The following CD163 variants were observed in gnomAD, a reference collection of about 807,000 sequenced individuals.
CD163 encodes the protein scavenger receptor cysteine-rich type 1 protein M130.
CD163 carries 64 observed loss-of-function variants against 129.2 expected under a neutral mutation model. The observed-to-expected ratio is 0.50, with a 90% confidence interval of 0.41 to 0.61. The LOEUF (loss-of-function observed/expected upper bound fraction) is 0.61. Among genes scored for constraint, CD163 ranks in the 20% least tolerant of loss-of-function variants. The probability of loss-of-function intolerance (pLI) is 0.00; values close to 1 mark genes in which losing one functional copy is unlikely to be tolerated. For synonymous variants in CD163, 446 were observed against 478.5 expected, an observed-to-expected ratio of 0.93 and a Z score of 0.89; for missense variants, 1,061 against 1,377.9, an observed-to-expected ratio of 0.77 and a Z score of 3.64.
intron 16 of CD163, chr12:7,472,078 CCA>C (rs1368683890): frequency 1.3e-5 from 2 of 152,308 alleles, no homozygotes; most frequent in African/African-American, 2.4e-5. Flanking sequence ...GATAAAACTC[CCA>C]TCTCCCTGGG....
intron 2 of CD163, 57 bp from the exon 3 acceptor site, chr12:7,501,519 T>C: frequency 7.5e-7 from 1 of 1,331,188 alleles, no homozygotes; most frequent in African/African-American, 1.4e-5. Flanking sequence ...AAGTAGAAAA[T>C]TATTTTTTTA....
Position 7,487,350 on chromosome 12 carries a change from T to A in CD163, c.2050+9A>T. 1.9e-6 allele frequency: 3 copies of A among 1,555,100 alleles called. No homozygotes were observed. Among genetic ancestry groups the A allele is most frequent in the Non-Finnish European group, 2.6e-6 (3 of 1,153,704 alleles). ...AAGACCCATCACTGGCTGCCCGTCA[T>A]CCTCTTACCTGAGCAGATTACAGAG... On this transcript the variant is annotated intron_variant, in intron 8 of 16. Coordinates refer to ENST00000432237, the MANE Select transcript of CD163 (RefSeq NM_203416.4). The surrounding 1 kb of genome is among the most constrained non-coding windows in gnomAD (Gnocchi z 5.1).
chr12:7,493,243 G>A (rs948549281), intron 6 of CD163, among the ~76,000 whole-genome samples: 19 of 152,182 alleles, frequency 1.2e-4, no homozygotes, highest in African/African-American at 3.6e-4. Context: ...AAACTTGGAT[G>A]TAACTGTGAA....
chr12:7,471,689 A>G (rs1286018722), intron 16 of CD163, among the ~76,000 whole-genome samples: 1 of 152,090 alleles, frequency 6.6e-6, no homozygotes, highest in Non-Finnish European at 1.5e-5. Context: ...TGCATTTCCA[A>G]CTGAGTCATT....
At chr12:7,500,989 G>T in intron 3 of CD163, 150 bp downstream of exon 3, 1 of 668,866 alleles carries the variant, frequency 1.5e-6, no homozygotes, top group Non-Finnish European at 2.6e-6. Flanking sequence ...ATGACCTCGT[G>T]TTTTGTGGTT....
chr12:7,483,264 G>C, intron 12 of CD163, 103 bp downstream of exon 12: 1 of 1,068,736 alleles, frequency 9.4e-7, no homozygotes, highest in South Asian at 1.6e-5. Context: ...ATCCCCACCA[G>C]ATCCCTGTGC....
intron 4 of CD163, 77 bp downstream of exon 4, chr12:7,498,791 G>A: frequency 7.4e-7 from 1 of 1,354,572 alleles, no homozygotes; most frequent in Non-Finnish European, 1.0e-6. Context: ...GTTCTTAAGA[G>A]TTCAGGCTCT....
chr12:7,483,998 A>G (rs1591998045), intron 11 of CD163, among the ~76,000 whole-genome samples: 4 of 149,682 alleles, frequency 2.7e-5, no homozygotes, highest in East Asian at 2.0e-4. Context: ...CCACCACCAC[A>G]CCCGGCTAAT....
chr12:7,503,065 C>T (rs972710328), intron 1 of CD163, among the ~76,000 whole-genome samples: 3 of 152,146 alleles, frequency 2.0e-5, no homozygotes, highest in Admixed American at 6.6e-5. Flanking sequence ...TGGCTTGATG[C>T]TTGCCAAATA....
rs1949248709 is a variant in CD163 at position 7,486,413 on chromosome 12, A to T, written c.2458+86T>A. 8.2e-6 allele frequency: 11 copies of T among 1,337,138 alleles called. No individual in the cohort carries two copies. The South Asian group carries it at 1.4e-4, about 17-fold the overall frequency. The allele number at this position is 1,337,138 out of a possible 1,614,324, so 82.8% of individuals were successfully genotyped here. ...GTTCCTTTTGGATCAACTTTTCAGG[A>T]AAATCTTTAAGATTAATACCCCTCA... is the stretch of plus-strand genomic sequence containing the variant. On this transcript the variant is annotated intron_variant, in intron 10 of 16. Coordinates refer to ENST00000432237, the MANE Select transcript of CD163 (RefSeq NM_203416.4).
At position 7,497,009 on chromosome 12, in the gene CD163, A is replaced by AGTT; in HGVS notation, c.902_903insAAC (p.Ala301_Val302insThr). 6.2e-7 allele frequency: 1 copy of AGTT among 1,614,118 alleles called. No homozygotes were observed. Reference sequence around the variant, plus strand: ...GACATCCCAGTTGCTTGCATGCCACAGCAGCATCGTAACTGTCCCAGCCGT... The same window carrying AGTT: ...GACATCCCAGTTGCTTGCATGCCACAGTTGCAGCATCGTAACTGTCCCAGCCGT... On this transcript the variant is annotated inframe_insertion, in exon 5 of 17. Coordinates refer to ENST00000432237, the MANE Select transcript of CD163 (RefSeq NM_203416.4).
At chr12:7,479,584 A>G (rs1949134311) in intron 16 of CD163, among the ~76,000 whole-genome samples, 1 of 152,112 alleles carries the variant, frequency 6.6e-6, no homozygotes, top group South Asian at 2.1e-4. Flanking sequence ...GATACCTGTA[A>G]TGTCTTCAAA....
rs1330769596 is a variant in CD163, at chr12:7,483,012, A to G, written c.3089-8T>C. The G allele has an allele frequency of 6.2e-7, 1 of 1,613,140 alleles. No homozygotes were observed. On this transcript the variant is annotated splice_polypyrimidine_tract_variant and splice_region_variant and intron_variant, in intron 12 of 16. Transcript: ENST00000432237. ...TTTTCTGCACTGAAATATCTGTAGG[A>G]GAAAAGAAAGAGAGAGGGTTAATTC...
rs1026898182 is a variant in CD163, at chr12:7,485,391, A to G, written c.2484T>C (p.Ser828=). Residue 828 remains serine, a synonymous_variant, in exon 11 of 17, where the codon AGT becomes AGC. Transcript: ENST00000432237. This position sits in a 1 kb window ranked among gnomAD's most constrained non-coding sequence, Gnocchi z 4.5. ...CSEFMSLRLT[S]EASREACAGR... ...CTGCACAGGCCTCTCTGCTGGCTTC[A>G]CTGGTCAGTCTCAGAGACATGAATT... 6.2e-7 allele frequency: 1 copy of G among 1,614,088 alleles called. No individual in the cohort carries two copies. The highest frequency in any genetic ancestry group is 1.7e-5 in the Admixed American group (1 of 60,030).
intron 13 of CD163, 29 bp downstream of exon 13, chr12:7,482,937 G>A (rs768657580): frequency 5.6e-6 from 9 of 1,609,482 alleles, no homozygotes; most frequent in South Asian, 3.3e-5. Flanking sequence ...CAGATAATTG[G>A]TCTCATCATC....
In CD163 at chr12:7,483,639, G is replaced by C; in HGVS notation, c.2816C>G (p.Ser939Cys). The C allele has an allele frequency of 1.2e-6, 2 of 1,613,100 alleles. No homozygotes were observed. The highest frequency in any genetic ancestry group is 1.7e-6 in the Non-Finnish European group (2 of 1,179,762). Residue 939 changes from serine to cysteine, a missense_variant, in exon 12 of 17, where the codon TCT (serine) becomes TGT (cysteine). Ser to Cys is a moderately radical substitution (Grantham distance 112). Coordinates refer to ENST00000432237, the MANE Select transcript of CD163 (RefSeq NM_203416.4). ...TCCATGCCAGATCTCCACACGTCCA[G>C]AACAGGAAGTGGGTCCTTCCTGAAG... ...IRLQEGPTSC[S>C]GRVEIWHGGS...
chr12:7,475,809 A>T (rs1949078989), intron 16 of CD163, among the ~76,000 whole-genome samples: 1 of 152,204 alleles, frequency 6.6e-6, no homozygotes, highest in Non-Finnish European at 1.5e-5. Flanking sequence ...CTCTTGTTGC[A>T]GATGACATAA....
chr12:7,488,173 G>T, intron 6 of CD163, 86 bp from the exon 7 acceptor site: 1 of 1,359,266 alleles, frequency 7.4e-7, no homozygotes. Context: ...GGTGTGGAGT[G>T]GGAAATGGAG....
intron 5 of CD163, among the ~76,000 whole-genome samples, chr12:7,495,679 C>CTT (rs757362123): frequency 1.3e-5 from 2 of 152,186 alleles, no homozygotes; most frequent in East Asian, 3.9e-4. Flanking sequence ...TGAACAGACA[C>CTT]TTCTGAAAAG....
Sources: allele counts gnomAD v4.1 joint callset (sites outside exome capture counted in the v4.1 genomes callset), GRCh38; gene constraint gnomAD v4.1.1; non-coding constraint Gnocchi (gnomAD v3.1); transcripts MANE v1.5; gene names NCBI Gene and HGNC (gene_info 2026-07-23, HGNC 2026-07-21).